The following FAM47E variants were observed in gnomAD, a reference collection of about 807,000 sequenced individuals.
FAM47E encodes the protein protein FAM47E.
FAM47E carries 32 observed loss-of-function variants against 41.6 expected under a neutral mutation model. That is an observed-to-expected ratio of 0.77 (90% confidence interval 0.58 to 1.03). FAM47E has a LOEUF of 1.03. FAM47E is among the 50% of genes least tolerant of loss of function. The pLI, the probability that FAM47E is intolerant of heterozygous loss-of-function variation, is 0.00. For synonymous variants in FAM47E, 184 were observed against 188.7 expected (o/e 0.98, Z 0.20); for missense variants, 424 against 485.4 (o/e 0.87, Z 1.19).
At chr4:76,229,403 G>A (rs1196600480) in intron 2 of FAM47E, among the ~76,000 whole-genome samples, 1 of 152,098 alleles carries the variant, frequency 6.6e-6, no homozygotes, top group African/African-American at 2.4e-5. Context: ...GTTTTGTGGG[G>A]TGTTATAGAA....
rs925167395 is a variant in FAM47E, at chr4:76,224,542, A to T, written c.81+6854A>T. Among the ~76,000 whole-genome samples the T allele has an allele frequency of 3.3e-5, 5 of 152,162 alleles. No homozygotes were observed. In the East Asian group the frequency reaches 9.6e-4, roughly 29 times the overall value. On this transcript the variant is annotated intron_variant, in intron 2 of 7. Transcript: ENST00000510197. The stretch of plus-strand genomic sequence containing the variant: ...CATCTTAAAAGGGCAGAGAAAGAAT[A>T]AACAATTATAACTTTTTAAAAAATC...
At chr4:76,241,470 T>C (rs915662570) in intron 2 of FAM47E, among the ~76,000 whole-genome samples, 1 of 152,136 alleles carries the variant, frequency 6.6e-6, no homozygotes, top group African/African-American at 2.4e-5. Context: ...GTTTTTTTTT[T>C]TCAACCTTGA....
chr4:76,270,163 T>C (rs61595008), intron 4 of FAM47E, among the ~76,000 whole-genome samples: 54,383 of 152,050 alleles, frequency 0.36, 10,309 homozygotes, highest in Admixed American at 0.42. Flanking sequence ...GTTCCTATCT[T>C]TTGGCTGTGC....
At chr4:76,224,541 TAAAC>T (rs1560728296) in intron 2 of FAM47E, among the ~76,000 whole-genome samples, 1 of 152,152 alleles carries the variant, frequency 6.6e-6, no homozygotes, top group Non-Finnish European at 1.5e-5. Flanking sequence ...AGAGAAAGAA[TAAAC>T]AATTATAACT....
intron 3 of FAM47E, among the ~76,000 whole-genome samples, chr4:76,264,403 C>T (rs1203595687): frequency 6.6e-6 from 1 of 151,828 alleles, no homozygotes; most frequent in Admixed American, 6.6e-5. Flanking sequence ...TTGGAGTTTC[C>T]ACCCATCTTT....
intron 2 of FAM47E, among the ~76,000 whole-genome samples, chr4:76,243,621 A>G (rs985161161): frequency 3.9e-5 from 6 of 152,228 alleles, no homozygotes; most frequent in African/African-American, 1.4e-4. Flanking sequence ...ATTGTATGCA[A>G]GACCCTCTCT....
At chr4:76,245,346 A>G (rs1396276012) in intron 2 of FAM47E, among the ~76,000 whole-genome samples, 2 of 152,202 alleles carry the variant, frequency 1.3e-5, no homozygotes, top group Non-Finnish European at 2.9e-5. Flanking sequence ...TGGCAATAAT[A>G]GGAAACCCCT....
intron 2 of FAM47E, among the ~76,000 whole-genome samples, chr4:76,259,363 T>C (rs1353589896): frequency 6.6e-6 from 1 of 152,212 alleles, no homozygotes; most frequent in Non-Finnish European, 1.5e-5. Flanking sequence ...ATAGACTTCT[T>C]ATATTTACCA....
chr4:76,223,003 AC>A (rs2109980959), intron 2 of FAM47E, among the ~76,000 whole-genome samples: 1 of 152,296 alleles, frequency 6.6e-6, no homozygotes, highest in African/African-American at 2.4e-5. Flanking sequence ...TCAGACCTTG[AC>A]AGGTGGATGC....
chr4:76,251,932 C>A, intron 1 of FAM47E, 112 bp downstream of exon 1: 1 of 1,278,344 alleles, frequency 7.8e-7, no homozygotes, highest in Non-Finnish European at 1.0e-6. Context: ...GCCTGCCTTC[C>A]CTCCTCAATG....
At chr4:76,271,154 C>G (rs1734869099) in intron 4 of FAM47E, among the ~76,000 whole-genome samples, 3 of 152,218 alleles carry the variant, frequency 2.0e-5, no homozygotes, top group African/African-American at 7.2e-5. Flanking sequence ...GAAGGTTGTT[C>G]TGTGTACAGA....
intron 5 of FAM47E, among the ~76,000 whole-genome samples, chr4:76,272,773 A>G (rs998595544): frequency 6.6e-6 from 1 of 152,208 alleles, no homozygotes; most frequent in Non-Finnish European, 1.5e-5. Context: ...AATTCCCTGT[A>G]TTTAGAAATA....
At chr4:76,265,585 C>T (rs1329716624) in intron 3 of FAM47E, among the ~76,000 whole-genome samples, 1 of 145,248 alleles carries the variant, frequency 6.9e-6, no homozygotes, top group Non-Finnish European at 1.5e-5. Flanking sequence ...CTTGGGATTT[C>T]CTGAGTGACA....
intron 5 of FAM47E, among the ~76,000 whole-genome samples, chr4:76,276,072 C>T (rs1735094955): frequency 9.9e-6 from 1 of 101,502 alleles, no homozygotes; most frequent in African/African-American, 2.9e-5. Context: ...ACACACACCC[C>T]TCCCCTACAT....
intron 2 of FAM47E, among the ~76,000 whole-genome samples, chr4:76,220,292 T>C (rs1733286172): frequency 6.6e-6 from 1 of 152,144 alleles, no homozygotes. Context: ...ACACAAAATA[T>C]GTTATAGACA....
At chr4:76,223,253 A>C (rs1428873087) in intron 2 of FAM47E, among the ~76,000 whole-genome samples, 1 of 152,180 alleles carries the variant, frequency 6.6e-6, no homozygotes, top group Non-Finnish European at 1.5e-5. Context: ...TGTTCCCTCC[A>C]AACACATACA....
At chr4:76,277,707 T>C (rs1310717422) in intron 5 of FAM47E, among the ~76,000 whole-genome samples, 1 of 152,180 alleles carries the variant, frequency 6.6e-6, no homozygotes, top group Non-Finnish European at 1.5e-5. Flanking sequence ...ACATACATTC[T>C]CTCCTTTAAT....
At position 76,263,730 on chromosome 4, in the gene FAM47E, T is replaced by A. The variant is rs913378432; in HGVS notation, c.447T>A (p.Leu149=). 3.5e-5 allele frequency: 55 copies of A among 1,551,630 alleles called. No homozygotes were observed. The highest frequency in any genetic ancestry group is 4.8e-5 in the Non-Finnish European group (55 of 1,146,908). ...TCTTATCAAAGGTGCTGGAAGTGCT[T>A]GATCCTGACCGGAAGCTGGAGGACA... ...IELLSKVLEV[L]DPDRKLEDTW... is the part of the protein sequence containing the mutation. Residue 149 remains leucine, a synonymous_variant, in exon 3 of 8, where the codon CTT becomes CTA. Coordinates refer to ENST00000424749, the MANE Select transcript of FAM47E (RefSeq NM_001136570.3).
intron 5 of FAM47E, among the ~76,000 whole-genome samples, chr4:76,277,529 T>C (rs1434908058): frequency 7.0e-6 from 1 of 143,846 alleles, no homozygotes; most frequent in Non-Finnish European, 1.5e-5. Context: ...AGGCAAAAGC[T>C]TGGTGTTAGC....
Sources: gnomAD v4.1 joint callset for allele counts (sites outside exome capture counted in the v4.1 genomes callset) on GRCh38, gnomAD v4.1.1 for gene constraint, MANE v1.5 for transcripts, NCBI Gene and HGNC (gene_info 2026-07-23, HGNC 2026-07-21) for gene names.